The following PFKL variants were observed in gnomAD, a reference collection of about 807,000 sequenced individuals.
PFKL encodes ATP-dependent 6-phosphofructokinase, liver type.
Under a neutral mutation model 92.1 loss-of-function variants are expected in PFKL, and 74 were observed. The observed-to-expected ratio is 0.80, with a 90% CI of 0.67 to 0.97. The LOEUF (loss-of-function observed/expected upper bound fraction) is 0.97. Ranked by LOEUF, PFKL falls within the 50% of genes least tolerant of loss-of-function variation. The probability of loss-of-function intolerance (pLI) is 0.00; values close to 1 mark genes in which losing one functional copy is unlikely to be tolerated. For missense variants in PFKL, 1,028 were observed against 1,116.6 expected, an observed-to-expected ratio of 0.92 and a Z score of 1.13; for synonymous variants, 494 against 456.4, an observed-to-expected ratio of 1.08 and a Z score of -1.05.
chr21:44,303,441 A>AAAAAAAAAAAAAACAAAAGACTTCATCG (rs1555874970), intron 1 of PFKL, among the ~76,000 whole-genome samples: 1 of 97,096 alleles, frequency 1.0e-5, no homozygotes, highest in African/African-American at 5.3e-5. Context: ...ACCAAAAAAA[A>AAAAAAAAAAAAAACAAAAGACTTCATCG]AAAAAAAAAA....
At chr21:44,309,154 C>G (rs1476829475) in intron 2 of PFKL, among the ~76,000 whole-genome samples, 3 of 152,138 alleles carry the variant, frequency 2.0e-5, no homozygotes, top group African/African-American at 7.2e-5. Context: ...CATCAGACTG[C>G]ATTTTGGGTT....
intron 18 of PFKL, 36 bp from the exon 19 acceptor site, chr21:44,325,117 C>G: frequency 1.4e-6 from 2 of 1,452,598 alleles, no homozygotes; most frequent in South Asian, 1.1e-5. Flanking sequence ...GACCTGAACT[C>G]GTTCCCGCCG....
chr21:44,316,213 G>T (rs1465702103), intron 7 of PFKL, 31 bp from the exon 8 acceptor site: 1 of 1,605,514 alleles, frequency 6.2e-7, no homozygotes, highest in Admixed American at 1.7e-5. Flanking sequence ...TCCCTGCCTG[G>T]CAGCTGAGCC....
chr21:44,318,389 T>C, intron 9 of PFKL, 81 bp from the exon 10 acceptor site: 1 of 1,331,548 alleles, frequency 7.5e-7, no homozygotes. Context: ...GAAGCTGGGG[T>C]TTGCACATCT....
rs764202437 is a variant in PFKL at position 44,316,665 on chromosome 21, G to T, written c.936+141G>T. ...GTGAGTGTCCGTGTCTGTGTGTGGG[G>T]GTGTATGTGTGGGGGACGCGTGGTC... On this transcript the variant is annotated intron_variant, in intron 9 of 21. Transcript: ENST00000349048. 4.6e-6 allele frequency: 3 copies of T among 657,052 alleles called. No individual in the cohort carries two copies. In the Admixed American group the frequency reaches 8.3e-5, roughly 18 times the overall value. The allele number at this position is 657,052 out of a possible 1,614,324, so 40.7% of individuals were successfully genotyped here.
chr21:44,324,962 T>A, intron 18 of PFKL, 45 bp downstream of exon 18: 1 of 1,543,174 alleles, frequency 6.5e-7, no homozygotes, highest in Non-Finnish European at 8.8e-7. Flanking sequence ...CGTCCAACTC[T>A]CGGGGCTGGG....
At chr21:44,316,112 T>A in intron 7 of PFKL, 132 bp from the exon 8 acceptor site, 1 of 768,770 alleles carries the variant, frequency 1.3e-6, no homozygotes, top group Non-Finnish European at 2.2e-6. Context: ...TTCCTCCTGC[T>A]GGGTGGGGAT....
intron 12 of PFKL, 157 bp downstream of exon 12, chr21:44,320,304 C>T (rs923369155): frequency 1.8e-6 from 1 of 565,056 alleles, no homozygotes; most frequent in African/African-American, 1.9e-5. Context: ...TCTGCCTGGG[C>T]TCAGGCACCA....
chr21:44,303,325 C>T (rs1051106041), intron 1 of PFKL, among the ~76,000 whole-genome samples: 1 of 150,328 alleles, frequency 6.7e-6, no homozygotes, highest in Non-Finnish European at 1.5e-5. Flanking sequence ...GCAGGAGAAT[C>T]GCTTGAACCG....
chr21:44,320,271 G>A (rs964669181), intron 12 of PFKL, 124 bp downstream of exon 12: 1 of 770,000 alleles, frequency 1.3e-6, no homozygotes, highest in Non-Finnish European at 2.1e-6. Flanking sequence ...TCCGAGCTGT[G>A]AGCTGGGAGG....
intron 10 of PFKL, among the ~76,000 whole-genome samples, chr21:44,319,102 G>A (rs1019427864): frequency 1.3e-5 from 2 of 152,142 alleles, no homozygotes; most frequent in South Asian, 2.1e-4. Context: ...AGAGTGCCCT[G>A]CCTGGAGCTG....
At chr21:44,322,930 G>A (rs766922054) in intron 14 of PFKL, 32 bp from the exon 15 acceptor site, 32 of 1,529,286 alleles carry the variant, frequency 2.1e-5, no homozygotes, top group Admixed American at 1.4e-4. Context: ...CCCGGGTGCT[G>A]CGTGTTCATG....
chr21:44,317,145 G>A (rs543735591), intron 9 of PFKL, among the ~76,000 whole-genome samples: 1 of 152,228 alleles, frequency 6.6e-6, no homozygotes, highest in Admixed American at 6.5e-5. Context: ...AAATGGAGTG[G>A]GTCTGGGGCC....
intron 1 of PFKL, chr21:44,305,368 G>T (rs768109145): frequency 1.5e-6 from 2 of 1,365,734 alleles, no homozygotes; most frequent in Non-Finnish European, 2.0e-6. Flanking sequence ...TCTCGTGGGG[G>T]TCTCCATGTT....
intron 12 of PFKL, 156 bp downstream of exon 12, chr21:44,320,303 G>T (rs564582410): frequency 1.8e-6 from 1 of 568,618 alleles, no homozygotes; most frequent in South Asian, 2.3e-5. Flanking sequence ...CTCTGCCTGG[G>T]CTCAGGCACC....
chr21:44,318,710 C>T (rs911897497), intron 10 of PFKL, 115 bp downstream of exon 10: 21 of 826,170 alleles, frequency 2.5e-5, no homozygotes, highest in African/African-American at 9.0e-5. Context: ...GGCAGGGCCT[C>T]GTGGCTGGCC....
chr21:44,322,837 G>A (rs1602050884), intron 14 of PFKL, 125 bp from the exon 15 acceptor site: 1 of 608,800 alleles, frequency 1.6e-6, no homozygotes, highest in Non-Finnish European at 2.9e-6. Flanking sequence ...GCCACATCCC[G>A]GGCATTGCAG....
In PFKL at chr21:44,324,545, G is replaced by A. The variant is rs748033136; in HGVS notation, c.1705G>A (p.Val569Met). 14 of 1,613,340 alleles carry A rather than the reference G, an allele frequency of 8.7e-6. No homozygotes were observed. The highest frequency in any genetic ancestry group is 1.3e-5 in the African/African-American group (1 of 74,894). Residue 569 changes from valine (V) to methionine (M), a missense_variant, in exon 17 of 22, where the codon GTG (valine) becomes ATG (methionine). Physicochemically the swap from Val to Met is conservative, Grantham distance 21. Transcript: ENST00000349048. Reference sequence around the variant, plus strand: ...GGGGACCAAGCGCCGTGTGTTCATCGTGGAGACCATGGGGGGTTACTGTGG... The same window carrying A: ...GGGGACCAAGCGCCGTGTGTTCATCATGGAGACCATGGGGGGTTACTGTGG... Reference protein sequence around the residue: ...ASGTKRRVFIVETMGGYCGYL... With the variant: ...ASGTKRRVFIMETMGGYCGYL...
At chr21:44,318,273 G>T (rs1330273231) in intron 9 of PFKL, among the ~76,000 whole-genome samples, 197 bp from the exon 10 acceptor site, 1 of 152,250 alleles carries the variant, frequency 6.6e-6, no homozygotes, top group South Asian at 2.1e-4. Flanking sequence ...GGGCAGCGAG[G>T]ACTCTGTGAA....
Sources: allele counts gnomAD v4.1 joint callset (sites outside exome capture counted in the v4.1 genomes callset), GRCh38; gene constraint gnomAD v4.1.1; transcripts MANE v1.5; gene names NCBI Gene and HGNC (gene_info 2026-07-23, HGNC 2026-07-21).